The following ARHGDIB variants were observed in gnomAD, a reference collection of about 807,000 sequenced individuals.
ARHGDIB encodes the protein rho GDP-dissociation inhibitor 2.
In ARHGDIB, 20 loss-of-function variants were observed where a neutral mutation model predicts 22.6. The observed-to-expected ratio is 0.88, with a 90% CI of 0.62 to 1.28. The LOEUF is 1.28. ARHGDIB is among the 50% of genes most tolerant of loss of function. The probability of loss-of-function intolerance (pLI) is 0.00; values close to 1 mark genes in which losing one functional copy is unlikely to be tolerated. For missense variants in ARHGDIB, 254 were observed against 245.4 expected (o/e 1.04, Z -0.23); for synonymous variants, 114 against 96.1 (o/e 1.19, Z -1.09).
intron 1 of ARHGDIB, chr12:14,950,971 A>T (rs960175042): frequency 9.8e-6 from 3 of 306,736 alleles, no homozygotes; most frequent in African/African-American, 4.3e-5. Flanking sequence ...AACAAAACTG[A>T]CAAGAAAGAA....
intron 1 of ARHGDIB, among the ~76,000 whole-genome samples, chr12:14,955,051 A>G (rs753597332): frequency 6.6e-6 from 1 of 152,128 alleles, no homozygotes; most frequent in Non-Finnish European, 1.5e-5. Context: ...TATTTTACTT[A>G]TTTTTCTCCC....
At chr12:14,948,618 C>T (rs1476098391) in intron 3 of ARHGDIB, among the ~76,000 whole-genome samples, 1 of 152,196 alleles carries the variant, frequency 6.6e-6, no homozygotes, top group East Asian at 1.9e-4. Flanking sequence ...AGGAGGTAAT[C>T]ACTCTCTATG....
Position 14,944,614 on chromosome 12 carries a change from A to C in ARHGDIB, c.406+162T>G, listed in dbSNP as rs111277010. Among the ~76,000 whole-genome samples the C allele has an allele frequency of 8.0e-3, 1,218 of 152,298 alleles. 22 individuals are homozygous for C. Among genetic ancestry groups the C allele is most frequent in the African/African-American group, 0.028 (1,165 of 41,540 alleles). ...AGGTCCCCTGAGCATTGGCCTTGTC[A>C]ATGTCTATATCAGAGGTGTATTTGT... On this transcript the variant is annotated intron_variant, in intron 5 of 5. Coordinates refer to ENST00000228945, the MANE Select transcript of ARHGDIB (RefSeq NM_001175.7).
chr12:14,953,897 C>T (rs924566865), intron 1 of ARHGDIB, among the ~76,000 whole-genome samples: 4 of 150,634 alleles, frequency 2.7e-5, no homozygotes, highest in African/African-American at 9.8e-5. Flanking sequence ...CTCTCTCTCC[C>T]TTCTTTCTTT....
At chr12:14,946,334 G>A (rs570268702) in intron 4 of ARHGDIB, among the ~76,000 whole-genome samples, 1 of 152,302 alleles carries the variant, frequency 6.6e-6, no homozygotes, top group Admixed American at 6.5e-5. Flanking sequence ...AAGTTTGGGA[G>A]GAGAAAAAGA....
At chr12:14,955,702 C>A (rs775373429) in intron 1 of ARHGDIB, among the ~76,000 whole-genome samples, 12 of 152,170 alleles carry the variant, frequency 7.9e-5, no homozygotes, top group Non-Finnish European at 1.3e-4. Flanking sequence ...ATGGCATATA[C>A]AGTTTGACAA....
chr12:14,947,031 A>G (rs945176197), intron 4 of ARHGDIB, among the ~76,000 whole-genome samples: 12 of 151,322 alleles, frequency 7.9e-5, no homozygotes, highest in Admixed American at 6.6e-4. Context: ...ACCCTGAATC[A>G]TATCCTGTAC....
chr12:14,953,820 T>C (rs1864236176), intron 1 of ARHGDIB, among the ~76,000 whole-genome samples: 1 of 140,754 alleles, frequency 7.1e-6, no homozygotes, highest in African/African-American at 2.8e-5. Context: ...TTTTGCTTGC[T>C]CTCTCTCTCT....
chr12:14,960,656 A>C (rs1413028821), intron 1 of ARHGDIB, among the ~76,000 whole-genome samples: 1 of 152,124 alleles, frequency 6.6e-6, no homozygotes, highest in East Asian at 1.9e-4. Flanking sequence ...GGGATGCACC[A>C]CCACACCCAG....
At chr12:14,947,686 G>C in intron 4 of ARHGDIB, 187 bp downstream of exon 4, 1 of 571,784 alleles carries the variant, frequency 1.7e-6, no homozygotes, top group Admixed American at 3.1e-5. Context: ...GCTAGGAAAA[G>C]ACAGGAGGCA....
rs1864150321 is a variant in ARHGDIB at position 14,950,668 on chromosome 12, A to G, written c.45T>C (p.Asp15=). 6.2e-7 allele frequency: 1 copy of G among 1,613,710 alleles called. No homozygotes were observed. The highest frequency in any genetic ancestry group is 1.3e-5 in the African/African-American group (1 of 74,984). ...APEPHVEEDD[D]DELDSKLNYK... ...AATTGAGCTTGCTGTCCAGCTCATC[A>G]TCGTCATCCTCCTCCACATGTGGCT... Residue 15 remains aspartate, a synonymous_variant, in exon 2 of 6, where the codon GAT becomes GAC. Transcript: ENST00000228945.
chr12:14,945,074 AC>A (rs996563381), intron 4 of ARHGDIB, among the ~76,000 whole-genome samples: 2 of 152,208 alleles, frequency 1.3e-5, no homozygotes, highest in African/African-American at 4.8e-5. Flanking sequence ...TTTGATTTTT[AC>A]CGTTTTGGGA....
chr12:14,959,505 A>T (rs571647852), intron 1 of ARHGDIB, among the ~76,000 whole-genome samples: 2 of 152,192 alleles, frequency 1.3e-5, no homozygotes, highest in Non-Finnish European at 2.9e-5. Context: ...TTTTATCACC[A>T]GGCCTGACAC....
Position 14,947,871 on chromosome 12 carries a change from A to G in ARHGDIB, c.342+2T>C, listed in dbSNP as rs763443786. 24 of 1,603,368 alleles carry G rather than the reference A, an allele frequency of 1.5e-5. No homozygotes were observed. The highest frequency in any genetic ancestry group is 1.8e-5 in the Non-Finnish European group (21 of 1,170,316). On this transcript the variant is annotated splice_donor_variant, in intron 4 of 5. Transcript: ENST00000228945. LOFTEE classifies it high-confidence loss of function. ...CAAAAACACACAAGGCAGGATACTT[A>G]CTTTGAAGTGAATTTTGACTCTATA...
intron 3 of ARHGDIB, 140 bp from the exon 4 acceptor site, chr12:14,948,089 G>A (rs1864067451): frequency 3.8e-6 from 2 of 531,294 alleles, no homozygotes; most frequent in East Asian, 6.6e-5. Context: ...GAGTATTTGA[G>A]TTTAGTCCTT....
chr12:14,949,778 A>G, intron 3 of ARHGDIB, 24 bp downstream of exon 3: 3 of 1,610,234 alleles, frequency 1.9e-6, no homozygotes, highest in Non-Finnish European at 2.5e-6. Flanking sequence ...GCCCCCTTTG[A>G]ACAGTACAGA....
chr12:14,948,671 A>G (rs1864088768), intron 3 of ARHGDIB: 2 of 152,162 alleles, frequency 1.3e-5, no homozygotes, highest in African/African-American at 4.8e-5. Context: ...AGAAAACCCA[A>G]TTTGGTTTTC....
intron 2 of ARHGDIB, 98 bp downstream of exon 2, chr12:14,950,434 A>T: frequency 9.6e-7 from 1 of 1,040,202 alleles, no homozygotes. Flanking sequence ...TCCTGGAAGC[A>T]GTTGGTCCTC....
Position 14,949,830 on chromosome 12 carries a change from G to C in ARHGDIB, c.237C>G (p.Ala79=). The C allele has an allele frequency of 6.2e-7, 1 of 1,613,666 alleles. No homozygotes were observed. Among genetic ancestry groups the C allele is most frequent in the Non-Finnish European group, 8.5e-7 (1 of 1,179,714 alleles). ...TAAGGTCCATGGTGATTGGTCCCGGGGCACTCTCACAAACCAGGGTGAGCC... is the reference window on the plus strand; with the variant it reads ...TAAGGTCCATGGTGATTGGTCCCGGCGCACTCTCACAAACCAGGGTGAGCC... ...VTRLTLVCES[A]PGPITMDLTG... Residue 79 remains alanine, a synonymous_variant, in exon 3 of 6, where the codon GCC becomes GCG. Transcript: ENST00000228945.
Sources: allele counts gnomAD v4.1 joint callset (sites outside exome capture counted in the v4.1 genomes callset), GRCh38; gene constraint gnomAD v4.1.1; transcripts MANE v1.5; gene names NCBI Gene and HGNC (gene_info 2026-07-23, HGNC 2026-07-21).